Variants in TNIK observed in about 807,000 individuals in gnomAD.
TNIK encodes TRAF2 and NCK-interacting protein kinase.
In TNIK, 49 loss-of-function variants were observed where a neutral mutation model predicts 191.3. That is an observed-to-expected ratio of 0.26 (90% confidence interval 0.20 to 0.32). The LOEUF is 0.32. TNIK is among the 10% of genes least tolerant of loss of function. The pLI is 1.00. For synonymous variants in TNIK, 594 were observed against 600.9 expected (o/e 0.99, Z 0.17); for missense variants, 1,155 against 1,702.3 (o/e 0.68, Z 5.66).
chr3:171,220,072 A>T (rs557515973), intron 3 of TNIK, among the ~76,000 whole-genome samples: 8 of 152,318 alleles, frequency 5.3e-5, no homozygotes, highest in African/African-American at 1.9e-4. Context: ...ATAAGAAAGG[A>T]TGAGTTCATG....
chr3:171,209,627 A>G (rs1020407995), intron 4 of TNIK, among the ~76,000 whole-genome samples: 12 of 152,154 alleles, frequency 7.9e-5, no homozygotes, highest in Non-Finnish European at 1.5e-4. Context: ...CATCTATTAT[A>G]CATTTAGAGG....
rs1385919448 is a variant in TNIK, at chr3:171,093,833, A to G, written c.2721+6T>C. 4 of 1,613,256 alleles carry G rather than the reference A, an allele frequency of 2.5e-6. No individual in the cohort carries two copies. Among genetic ancestry groups the G allele is most frequent in the South Asian group, 2.2e-5 (2 of 91,008 alleles). On this transcript the variant is annotated splice_donor_region_variant and intron_variant, in intron 23 of 32. Coordinates refer to ENST00000436636, the MANE Select transcript of TNIK (RefSeq NM_015028.4). Reference sequence around the variant, plus strand: ...TTTCCTCTACACAGTTTTTATACCAACTTACCTCTCTAATCATCAAGGTTC... The same window carrying G: ...TTTCCTCTACACAGTTTTTATACCAGCTTACCTCTCTAATCATCAAGGTTC...
chr3:171,429,485 T>C (rs371975681), intron 1 of TNIK, among the ~76,000 whole-genome samples: 1 of 152,236 alleles, frequency 6.6e-6, no homozygotes, highest in African/African-American at 2.4e-5. Context: ...CTTTTAAATA[T>C]GTTTTCTACT....
In TNIK at chr3:171,128,887, CAAAA is replaced by C. The variant is rs59293515; in HGVS notation, c.1609-13_1609-10del. On this transcript the variant is annotated splice_polypyrimidine_tract_variant and intron_variant, in intron 15 of 32. Transcript: ENST00000436636. ...CTTGACCGTTCTTCTACCTACAACC[CAAAA>C]AAAAAAAAAAAAAAAAGACAGCCTC... 3,035 of 1,234,068 alleles carry C rather than the reference CAAAA, an allele frequency of 2.5e-3. No homozygotes were observed. The highest frequency in any genetic ancestry group is 7.1e-3 in the Admixed American group (168 of 23,566). 76.4% of individuals were successfully genotyped at this position (1,234,068 alleles called of 1,614,324 possible).
At chr3:171,424,792 A>G (rs938588538) in intron 1 of TNIK, among the ~76,000 whole-genome samples, 2 of 134,214 alleles carry the variant, frequency 1.5e-5, no homozygotes, top group African/African-American at 5.6e-5. Flanking sequence ...ATGAGAACAC[A>G]TGGACACAGG....
At chr3:171,252,994 G>T (rs888720750) in intron 2 of TNIK, among the ~76,000 whole-genome samples, 1 of 152,038 alleles carries the variant, frequency 6.6e-6, no homozygotes, top group Non-Finnish European at 1.5e-5. Context: ...GAAATAACTA[G>T]GGCCGGGCAC....
At chr3:171,110,113 T>C (rs913661024) in intron 19 of TNIK, among the ~76,000 whole-genome samples, 1 of 151,878 alleles carries the variant, frequency 6.6e-6, no homozygotes, top group African/African-American at 2.4e-5. Flanking sequence ...TCCATGTTAG[T>C]CAGGCTGATC....
intron 2 of TNIK, among the ~76,000 whole-genome samples, chr3:171,355,246 T>C (rs1378682046): frequency 2.0e-5 from 3 of 152,082 alleles, no homozygotes; most frequent in Non-Finnish European, 4.4e-5. Flanking sequence ...TTCAGGCACC[T>C]CCTCCCTGAA....
chr3:171,302,119 G>T (rs151082990), intron 2 of TNIK, among the ~76,000 whole-genome samples: 1 of 152,130 alleles, frequency 6.6e-6, no homozygotes, highest in African/African-American at 2.4e-5. Flanking sequence ...GGAGGGGAGT[G>T]GGGGTGAAAA....
At chr3:171,331,517 A>G (rs1396590626) in intron 2 of TNIK, among the ~76,000 whole-genome samples, 2 of 152,220 alleles carry the variant, frequency 1.3e-5, no homozygotes, top group African/African-American at 4.8e-5. Flanking sequence ...CTCATATAAA[A>G]CTGACTTATA....
chr3:171,223,777 T>C (rs1373471831), intron 3 of TNIK, among the ~76,000 whole-genome samples: 1 of 152,150 alleles, frequency 6.6e-6, no homozygotes, highest in Non-Finnish European at 1.5e-5. Context: ...TTCTTTTTGA[T>C]AGGAATATAA....
At chr3:171,439,591 T>A (rs975774750) in intron 1 of TNIK, 7 of 152,200 alleles carry the variant, frequency 4.6e-5, no homozygotes, top group African/African-American at 1.7e-4. Context: ...AATTTTGTTC[T>A]TTCTCATCTC....
At chr3:171,395,205 C>T (rs1043158876) in intron 1 of TNIK, among the ~76,000 whole-genome samples, 4 of 152,164 alleles carry the variant, frequency 2.6e-5, no homozygotes, top group Non-Finnish European at 4.4e-5. Context: ...TCGTTAACAG[C>T]AGATTCTGGC....
In TNIK at chr3:171,167,088, G is replaced by C. The variant is rs376897265; in HGVS notation, c.949+7C>G. On this transcript the variant is annotated splice_region_variant and intron_variant, in intron 10 of 32. Transcript: ENST00000436636. ...TTCTGCTGCTGAAATACAAATGTGC[G>C]TCTAACCTTTTTCTCCTCGCTTCTT... 6.2e-7 allele frequency: 1 copy of C among 1,608,348 alleles called. No individual in the cohort carries two copies. The highest frequency in any genetic ancestry group is 1.1e-5 in the South Asian group (1 of 89,978).
chr3:171,311,331 A>C (rs1346669483), intron 2 of TNIK, among the ~76,000 whole-genome samples: 1 of 152,198 alleles, frequency 6.6e-6, no homozygotes, highest in Non-Finnish European at 1.5e-5. Flanking sequence ...TGCTGATGAC[A>C]GCACACTTTC....
intron 19 of TNIK, among the ~76,000 whole-genome samples, 191 bp from the exon 20 acceptor site, chr3:171,108,353 C>A (rs895679347): frequency 3.3e-5 from 5 of 152,148 alleles, no homozygotes; most frequent in East Asian, 1.9e-4. Flanking sequence ...GGCTTGTGAC[C>A]TGGAAATCAC....
At chr3:171,253,738 T>G (rs1401268436) in intron 2 of TNIK, among the ~76,000 whole-genome samples, 1 of 148,656 alleles carries the variant, frequency 6.7e-6, no homozygotes, top group Non-Finnish European at 1.5e-5. Context: ...TTCTCTACCC[T>G]CCCCAAGGGA....
At chr3:171,071,391 G>T in intron 28 of TNIK, 68 bp from the exon 29 acceptor site, 2 of 1,071,888 alleles carry the variant, frequency 1.9e-6, no homozygotes, top group Non-Finnish European at 2.7e-6. Context: ...TAATATTAAT[G>T]AATGTATAAG....
At chr3:171,298,572 T>C (rs1422319425) in intron 2 of TNIK, among the ~76,000 whole-genome samples, 2 of 152,198 alleles carry the variant, frequency 1.3e-5, no homozygotes, top group Non-Finnish European at 2.9e-5. Context: ...CATGATCTTC[T>C]GGCTGTGTCC....
Sources: allele counts gnomAD v4.1 joint callset (sites outside exome capture counted in the v4.1 genomes callset), GRCh38; gene constraint gnomAD v4.1.1; transcripts MANE v1.5; gene names NCBI Gene and HGNC (gene_info 2026-07-23, HGNC 2026-07-21).